PKIG: variants seen among roughly 807,000 people sequenced by gnomAD.
The protein encoded by PKIG is protein kinase (cAMP-dependent, catalytic) inhibitor gamma.
Under a neutral mutation model 6.8 loss-of-function variants are expected in PKIG, and 1 was observed. The observed-to-expected ratio is 0.15, with a 90% CI of 0.05 to 0.69. The LOEUF (loss-of-function observed/expected upper bound fraction) is 0.69. Ranked by LOEUF, PKIG falls within the 30% of genes least tolerant of loss-of-function variation. The pLI is 0.82. For missense variants in PKIG, 77 were observed against 104.0 expected, an observed-to-expected ratio of 0.74 and a Z score of 1.13; for synonymous variants, 39 against 43.0, an observed-to-expected ratio of 0.91 and a Z score of 0.36.
At chr20:44,593,198 C>T (rs978796311) in intron 2 of PKIG, among the ~76,000 whole-genome samples, 7 of 151,730 alleles carry the variant, frequency 4.6e-5, no homozygotes, top group Non-Finnish European at 2.9e-5. Context: ...GGCATGGTGG[C>T]GTGCACCTGT....
chr20:44,610,239 G>T (rs916007306), intron 2 of PKIG, among the ~76,000 whole-genome samples: 1 of 152,178 alleles, frequency 6.6e-6, no homozygotes, highest in African/African-American at 2.4e-5. Flanking sequence ...GGGAAATGAA[G>T]GCCCCAAGAA....
Position 44,618,726 on chromosome 20 carries a change from A to C in PKIG, c.*362A>C. The C allele has an allele frequency of 5.0e-6, 1 of 198,704 alleles. No individual in the cohort carries two copies. Among genetic ancestry groups the C allele is most frequent in the Non-Finnish European group, 1.0e-5 (1 of 95,880 alleles). 12.3% of individuals were successfully genotyped at this position (198,704 alleles called of 1,614,324 possible). ...GCCCGGGCAGGGACCCTGTCCCAAC[A>C]CCAACACCTCCTCTCCAGCCCAATC... On this transcript the variant is annotated 3_prime_UTR_variant, in exon 4 of 4. Coordinates refer to ENST00000372886, the MANE Select transcript of PKIG (RefSeq NM_001281445.2).
intron 2 of PKIG, among the ~76,000 whole-genome samples, chr20:44,612,395 T>G (rs957617376): frequency 6.7e-6 from 1 of 148,936 alleles, no homozygotes; most frequent in African/African-American, 2.4e-5. Context: ...GGTGGGCCCA[T>G]GGGCCCACCC....
chr20:44,597,919 T>C (rs747634826), intron 2 of PKIG, among the ~76,000 whole-genome samples: 2 of 152,254 alleles, frequency 1.3e-5, no homozygotes, highest in African/African-American at 2.4e-5. Context: ...GTTATCCACT[T>C]CTGCATAATC....
chr20:44,605,982 T>C (rs2065160884), intron 2 of PKIG, among the ~76,000 whole-genome samples: 1 of 152,176 alleles, frequency 6.6e-6, no homozygotes, highest in Non-Finnish European at 1.5e-5. Flanking sequence ...TTTCTAATTA[T>C]GTTACAAAGC....
intron 1 of PKIG, among the ~76,000 whole-genome samples, chr20:44,535,237 G>A (rs1600830980): frequency 6.6e-6 from 1 of 152,086 alleles, no homozygotes; most frequent in East Asian, 1.9e-4. Flanking sequence ...AGGTAAAGTA[G>A]TTTTCCCATG....
chr20:44,597,707 GGCCTCCTGC>G (rs1393738654), intron 2 of PKIG, among the ~76,000 whole-genome samples: 3 of 152,108 alleles, frequency 2.0e-5, no homozygotes, highest in Non-Finnish European at 4.4e-5. Flanking sequence ...GTCCTCCCCG[GGCCTCCTGC>G]TGCGGATGTA....
chr20:44,548,281 A>G (rs1004395781), intron 1 of PKIG, among the ~76,000 whole-genome samples: 14 of 152,208 alleles, frequency 9.2e-5, no homozygotes, highest in African/African-American at 3.4e-4. Context: ...ACAATTTTCC[A>G]GAGTGGTTTT....
intron 1 of PKIG, among the ~76,000 whole-genome samples, chr20:44,539,332 C>T (rs962728861): frequency 2.0e-5 from 3 of 152,106 alleles, no homozygotes; most frequent in African/African-American, 4.8e-5. Context: ...TCTCTTAAAT[C>T]AAGCTTGTCC....
intron 1 of PKIG, among the ~76,000 whole-genome samples, chr20:44,558,430 C>T (rs2064734019): frequency 6.6e-6 from 1 of 152,114 alleles, no homozygotes; most frequent in African/African-American, 2.4e-5. Context: ...CTGTGCTTGA[C>T]ACTCTAAAAT....
At position 44,614,407 on chromosome 20, in the gene PKIG, G is replaced by C; in HGVS notation, c.-23-127G>C. 1 of 666,902 alleles carries C rather than the reference G, an allele frequency of 1.5e-6. No individual in the cohort carries two copies. 41.3% of individuals were successfully genotyped at this position (666,902 alleles called of 1,614,324 possible). ...TTCTTTGTACTTTTCTGTGCTTTTT[G>C]CTTTGTTTTCAATAAGAGGCAATAA... On this transcript the variant is annotated intron_variant, in intron 2 of 3. Transcript: ENST00000372886. The surrounding 1 kb of genome is among the most constrained non-coding windows in gnomAD (Gnocchi z 4.6).
At chr20:44,613,311 G>A (rs1423977408) in intron 2 of PKIG, among the ~76,000 whole-genome samples, 2 of 152,050 alleles carry the variant, frequency 1.3e-5, no homozygotes, top group African/African-American at 4.8e-5. Flanking sequence ...AACTACAGGC[G>A]CCCGCCACCA....
At position 44,538,211 on chromosome 20, in the gene PKIG, T is replaced by A. The variant is rs543969414; in HGVS notation, c.-241+6233T>A. Among the ~76,000 whole-genome samples the A allele has an allele frequency of 7.2e-5, 11 of 152,320 alleles. No individual in the cohort carries two copies. In the South Asian group the frequency reaches 2.3e-3, roughly 32 times the overall value. On this transcript the variant is annotated intron_variant, in intron 1 of 4. Coordinates refer to the PKIG transcript ENST00000372887. ...TACAGACAGAGGGAGCTAACTGTTG[T>A]GCTAACATTTGTAAATAGCTCTGCA...
intron 1 of PKIG, among the ~76,000 whole-genome samples, chr20:44,586,250 G>C (rs1359422998): frequency 6.6e-6 from 1 of 152,220 alleles, no homozygotes; most frequent in Non-Finnish European, 1.5e-5. Flanking sequence ...CACTTAGTTA[G>C]TACAAAAATA....
intron 1 of PKIG, among the ~76,000 whole-genome samples, chr20:44,575,789 G>A (rs2064891865): frequency 6.6e-6 from 1 of 152,148 alleles, no homozygotes; most frequent in Admixed American, 6.5e-5. Flanking sequence ...GAGCTTTTGG[G>A]CCCTCTGTGT....
chr20:44,538,311 A>G (rs1233364390), intron 1 of PKIG, among the ~76,000 whole-genome samples: 2 of 152,226 alleles, frequency 1.3e-5, no homozygotes, highest in African/African-American at 4.8e-5. Flanking sequence ...TCTGTGGGGT[A>G]GGGATTATCA....
chr20:44,607,830 G>A (rs1463644057), intron 2 of PKIG, among the ~76,000 whole-genome samples: 4 of 151,542 alleles, frequency 2.6e-5, no homozygotes, highest in South Asian at 2.1e-4. Context: ...GACTACAGGC[G>A]CCCACTACCA....
At chr20:44,559,817 G>T (rs1039376374) in intron 1 of PKIG, among the ~76,000 whole-genome samples, 1 of 152,184 alleles carries the variant, frequency 6.6e-6, no homozygotes, top group Non-Finnish European at 1.5e-5. Flanking sequence ...CTGCTGCAAA[G>T]AAAATTATTT....
chr20:44,555,748 C>G (rs577859813), intron 1 of PKIG, among the ~76,000 whole-genome samples: 1 of 152,242 alleles, frequency 6.6e-6, no homozygotes, highest in East Asian at 1.9e-4. Flanking sequence ...GCTAGGGAAC[C>G]TCATTTTTTT....
Sources: gnomAD v4.1 joint callset for allele counts (sites outside exome capture counted in the v4.1 genomes callset) on GRCh38, gnomAD v4.1.1 for gene constraint, Gnocchi (gnomAD v3.1) non-coding constraint, MANE v1.5 for transcripts, NCBI Gene and HGNC (gene_info 2026-07-23, HGNC 2026-07-21) for gene names.